Variants in JMJD6 observed in about 807,000 individuals in gnomAD.
JMJD6 encodes bifunctional arginine demethylase and lysyl-hydroxylase JMJD6.
In JMJD6, 17 loss-of-function variants were observed where a neutral mutation model predicts 45.8. The observed-to-expected ratio is 0.37, with a 90% confidence interval of 0.25 to 0.56. The LOEUF is 0.56. Ranked by LOEUF, JMJD6 falls within the 20% of genes least tolerant of loss-of-function variation. JMJD6 has a pLI of 0.79. For missense variants in JMJD6, 470 were observed against 517.5 expected (o/e 0.91, Z 0.89); for synonymous variants, 221 against 196.3 (o/e 1.13, Z -1.05).
intron 2 of JMJD6, among the ~76,000 whole-genome samples, chr17:76,725,175 G>C (rs531005724): frequency 6.6e-6 from 1 of 152,172 alleles, no homozygotes; most frequent in African/African-American, 2.4e-5. Flanking sequence ...TTGGGAGGCC[G>C]AGGCGGGCAG....
Position 76,718,745 on chromosome 17 carries a change from C to T in JMJD6, c.1196G>A (p.Arg399His), listed in dbSNP as rs769402176. 4.3e-6 allele frequency: 7 copies of T among 1,614,136 alleles called. No individual in the cohort carries two copies. Among genetic ancestry groups the T allele is most frequent in the South Asian group, 2.2e-5 (2 of 91,080 alleles). ...CTTGCTGGGTCACCTGGAGGAGCTGCGCTCTTTGCTGACACAGTCGTCCTG... is the reference window on the plus strand; with the variant it reads ...CTTGCTGGGTCACCTGGAGGAGCTGTGCTCTTTGCTGACACAGTCGTCCTG... ...TSQDDCVSKE[R>H]SSSR Residue 399 changes from arginine (R) to histidine (H), a missense_variant, in exon 6 of 6, where the codon CGC becomes CAC. This residue lies in a region of JMJD6 where 21 missense variants were observed against 36.9 expected (regional missense o/e 0.57). Transcript: ENST00000397625.
downstream of JMJD6, chr17:76,714,173 G>A (rs1340870597): frequency 6.6e-6 from 1 of 152,206 alleles, no homozygotes; most frequent in Non-Finnish European, 1.5e-5. Context: ...TGTGAAGCAT[G>A]GATTCTTCCA....
chr17:76,718,418 T>G, downstream of JMJD6: 1 of 1,288,864 alleles, frequency 7.8e-7, no homozygotes. Context: ...TAAGGGAATG[T>G]TCTGGTATTC....
At chr17:76,721,535 G>A (rs1418733048) in intron 4 of JMJD6, 3 of 470,400 alleles carry the variant, frequency 6.4e-6, no homozygotes, top group East Asian at 3.4e-5. Context: ...AAAACAAAAC[G>A]AGAAACAATC....
downstream of JMJD6, chr17:76,718,373 G>A: frequency 9.3e-7 from 1 of 1,072,032 alleles, no homozygotes; most frequent in Non-Finnish European, 1.2e-6. Context: ...AGGAGTCACT[G>A]CTTTCCCCCA....
At chr17:76,724,294 G>T (rs1212102814) in intron 2 of JMJD6, among the ~76,000 whole-genome samples, 1 of 151,616 alleles carries the variant, frequency 6.6e-6, no homozygotes, top group African/African-American at 2.4e-5. Context: ...GCTAATTTTT[G>T]TATTTTTAGT....
At chr17:76,724,824 A>G (rs529982944) in intron 2 of JMJD6, among the ~76,000 whole-genome samples, 8 of 150,068 alleles carry the variant, frequency 5.3e-5, no homozygotes, top group East Asian at 1.9e-4. Flanking sequence ...CTCAATGAAG[A>G]AAAAAAAAAG....
chr17:76,720,010 T>A (rs557342560), intron 5 of JMJD6, among the ~76,000 whole-genome samples: 60 of 152,238 alleles, frequency 3.9e-4, no homozygotes, highest in African/African-American at 1.4e-3. Flanking sequence ...CTGGGTGTGG[T>A]GGCATGCGCC....
rs1209700636 is a variant in JMJD6 at position 76,721,867 on chromosome 17, C to G, written c.872G>C (p.Ser291Thr). 6.2e-7 allele frequency: 1 copy of G among 1,614,186 alleles called. No individual in the cohort carries two copies. The highest frequency in any genetic ancestry group is 1.3e-5 in the African/African-American group (1 of 75,044). Residue 291 changes from serine to threonine, a missense_variant, in exon 4 of 6, where the codon AGC (serine) becomes ACC (threonine). Around this residue, in one of 4 missense-constraint regions of JMJD6, gnomAD observed 58 missense variants for 103.9 expected, o/e 0.56. Transcript: ENST00000397625. ...GTGCCATACCACAGGGAAGTTGGTGCTGCTGGCAAAATTTTGGGTGATGGC... is the reference window on the plus strand; with the variant it reads ...GTGCCATACCACAGGGAAGTTGGTGGTGCTGGCAAAATTTTGGGTGATGGC... The part of the protein sequence containing the change: ...TIAITQNFAS[S>T]TNFPVVWHKT...
At chr17:76,725,246 T>C (rs2076895074) in intron 2 of JMJD6, among the ~76,000 whole-genome samples, 1 of 151,732 alleles carries the variant, frequency 6.6e-6, no homozygotes, top group African/African-American at 2.4e-5. Flanking sequence ...CCGTCTCTAC[T>C]AAAAATACAA....
In JMJD6 at chr17:76,726,368, C is replaced by G. The variant is rs1415424967; in HGVS notation, c.108G>C (p.Ser36=). 6.3e-7 allele frequency: 1 copy of G among 1,596,706 alleles called. No individual in the cohort carries two copies. The highest frequency in any genetic ancestry group is 1.7e-5 in the Admixed American group (1 of 58,708). Residue 36 remains serine (S), a synonymous_variant, in exon 1 of 6, where the codon TCG becomes TCC. Transcript: ENST00000397625. The part of the protein sequence containing the change: ...WTRHNYYESF[S]LSPAAVADNV... ...TCACCGCCACGGCCGCCGGGCTCAG[C>G]GAGAAGCTCTCGTAGTAGTTGTGCC...
rs770690713 is a variant in JMJD6, at chr17:76,723,764, A to T, written c.805+8T>A. 17 of 1,613,242 alleles carry T rather than the reference A, an allele frequency of 1.1e-5. No homozygotes were observed. The highest frequency in any genetic ancestry group is 1.4e-5 in the Non-Finnish European group (17 of 1,179,452). On this transcript the variant is annotated splice_region_variant and intron_variant, in intron 3 of 5. Coordinates refer to ENST00000397625, the MANE Select transcript of JMJD6 (RefSeq NM_015167.3). The stretch of plus-strand genomic sequence containing the variant: ...CAAAGAATGTACTTTCTTCCAGTTC[A>T]TCTATACCTGGTACAAAGACAGTCT...
At chr17:76,726,305 G>GC (rs2076931855) in intron 1 of JMJD6, 42 bp downstream of exon 1, 2 of 1,527,688 alleles carry the variant, frequency 1.3e-6, no homozygotes, top group Admixed American at 2.1e-5. Context: ...GCGGCTGGAG[G>GC]TGCCGATGCC....
intron 2 of JMJD6, among the ~76,000 whole-genome samples, chr17:76,725,114 G>C (rs1430152898): frequency 6.6e-6 from 1 of 152,108 alleles, no homozygotes; most frequent in African/African-American, 2.4e-5. Context: ...TTGTAGATAA[G>C]ATTTTAACCA....
rs893573970 is a variant in JMJD6, at chr17:76,721,792, T to A, written c.941+6A>T. The stretch of plus-strand genomic sequence containing the variant: ...CAAGCAGAAATAAGAAAAAAATGAC[T>A]CTCACCTATACCATTTCCTTGATAA... On this transcript the variant is annotated splice_donor_region_variant and intron_variant, in intron 4 of 5. Transcript: ENST00000397625. 4.3e-6 allele frequency: 7 copies of A among 1,610,244 alleles called. No individual in the cohort carries two copies. The African/African-American group carries it at 9.4e-5, about 22-fold the overall frequency.
chr17:76,725,044 C>T (rs557506707), intron 2 of JMJD6, among the ~76,000 whole-genome samples: 3 of 152,116 alleles, frequency 2.0e-5, no homozygotes, highest in South Asian at 2.1e-4. Context: ...AATGTACAGC[C>T]GAGGGAGTAC....
chr17:76,720,741 C>A, intron 4 of JMJD6: 1 of 379,146 alleles, frequency 2.6e-6, no homozygotes, highest in East Asian at 3.9e-5. Context: ...CTACCACCTG[C>A]ATAAATGAGC....
intron 2 of JMJD6, among the ~76,000 whole-genome samples, chr17:76,724,588 G>A (rs1255514471): frequency 2.6e-5 from 4 of 151,934 alleles, no homozygotes; most frequent in Non-Finnish European, 5.9e-5. Context: ...AGGCAGAGGT[G>A]GGTGCATCAC....
chr17:76,724,074 A>C lies in JMJD6; in HGVS notation c.519-16T>G. The C allele has an allele frequency of 6.2e-7, 1 of 1,610,844 alleles. No individual in the cohort carries two copies. Among genetic ancestry groups the C allele is most frequent in the Non-Finnish European group, 8.5e-7 (1 of 1,177,480 alleles). On this transcript the variant is annotated splice_polypyrimidine_tract_variant and intron_variant, in intron 2 of 5. Coordinates refer to ENST00000397625, the MANE Select transcript of JMJD6 (RefSeq NM_015167.3). ...CACAAACCACCTACAGAATGGAGAT[A>C]TCCAAGATGTGAAGTGTAATTTACT...
Sources: gnomAD v4.1 joint callset for allele counts (sites outside exome capture counted in the v4.1 genomes callset) on GRCh38, gnomAD v4.1.1 for gene constraint, gnomAD v4.1.1 regional missense constraint, MANE v1.5 for transcripts, NCBI Gene and HGNC (gene_info 2026-07-23, HGNC 2026-07-21) for gene names.